ADCK1: variants seen among roughly 807,000 people sequenced by gnomAD.
ADCK1 encodes the protein aarF domain containing kinase 1.
In ADCK1, 41 loss-of-function variants were observed where a neutral mutation model predicts 52.3. The ratio of observed to expected loss-of-function variants is 0.78; its 90% confidence interval spans 0.61 to 1.02. ADCK1 has a LOEUF of 1.02. ADCK1 is among the 50% of genes least tolerant of loss of function. The pLI, the probability that ADCK1 is intolerant of heterozygous loss-of-function variation, is 0.00. For missense variants in ADCK1, 658 were observed against 679.5 expected (o/e 0.97, Z 0.35); for synonymous variants, 250 against 274.6 (o/e 0.91, Z 0.89).
chr14:77,906,002 T>C (rs1270017306), intron 6 of ADCK1, among the ~76,000 whole-genome samples: 2 of 152,252 alleles, frequency 1.3e-5, no homozygotes, highest in Non-Finnish European at 2.9e-5. Flanking sequence ...CCTTGCTTTC[T>C]GGTGGAAACT....
At chr14:77,852,680 T>A (rs1438027276) in intron 3 of ADCK1, among the ~76,000 whole-genome samples, 790 of 78,284 alleles carry the variant, frequency 0.01, 31 homozygotes, top group African/African-American at 0.027. Flanking sequence ...TATATATATA[T>A]ATATATATAT....
At chr14:77,874,629 C>G (rs938262490) in intron 4 of ADCK1, among the ~76,000 whole-genome samples, 1 of 152,080 alleles carries the variant, frequency 6.6e-6, no homozygotes, top group African/African-American at 2.4e-5. Context: ...CTGCGTGTCC[C>G]CTCTCCCTGC....
At chr14:77,928,675 T>C (rs1265702326) in intron 9 of ADCK1, among the ~76,000 whole-genome samples, 3 of 152,168 alleles carry the variant, frequency 2.0e-5, no homozygotes, top group Non-Finnish European at 4.4e-5. Context: ...TTGGCCAAGA[T>C]GGTCTCGATC....
intron 1 of ADCK1, among the ~76,000 whole-genome samples, chr14:77,805,886 TTGTGACCTCTGATCACGTGACTCC>T (rs1174899824): frequency 1.3e-5 from 2 of 152,018 alleles, no homozygotes; most frequent in Non-Finnish European, 2.9e-5. Flanking sequence ...GTCACAAATC[TTGTGACCTCTGATCACGTGACTCC>T]TGAGCAGTAA....
chr14:77,930,733 T>C (rs899222195), intron 9 of ADCK1, among the ~76,000 whole-genome samples: 8 of 152,202 alleles, frequency 5.3e-5, no homozygotes, highest in Non-Finnish European at 1.0e-4. Flanking sequence ...CGTGCCAACA[T>C]TGTCAAAGTG....
intron 1 of ADCK1, among the ~76,000 whole-genome samples, chr14:77,818,291 C>CT (rs903628920): frequency 6.6e-5 from 10 of 151,248 alleles, no homozygotes; most frequent in African/African-American, 1.5e-4. Context: ...GCCCTCTCTG[C>CT]TTTTTTTTGA....
chr14:77,920,052 G>A (rs2084014484), intron 7 of ADCK1, among the ~76,000 whole-genome samples: 1 of 152,258 alleles, frequency 6.6e-6, no homozygotes, highest in African/African-American at 2.4e-5. Context: ...TCTGTGGATT[G>A]TCTGTTTACC....
intron 1 of ADCK1, among the ~76,000 whole-genome samples, chr14:77,800,652 AC>A (rs2081089784): frequency 1.3e-5 from 2 of 152,312 alleles, no homozygotes; most frequent in South Asian, 4.1e-4. Flanking sequence ...CGTGCCCCAG[AC>A]CGCTGCTTAT....
At chr14:77,825,766 C>T (rs568224538) in intron 3 of ADCK1, among the ~76,000 whole-genome samples, 49 of 152,014 alleles carry the variant, frequency 3.2e-4, no homozygotes, top group African/African-American at 8.7e-4. Context: ...CTCAGCCTCC[C>T]GAGTAGCTGG....
chr14:77,921,544 C>T (rs1441214725), intron 7 of ADCK1, among the ~76,000 whole-genome samples: 1 of 152,096 alleles, frequency 6.6e-6, no homozygotes, highest in East Asian at 1.9e-4. Flanking sequence ...GGTGCCTTAT[C>T]CCCAGATCTC....
intron 4 of ADCK1, among the ~76,000 whole-genome samples, chr14:77,879,432 G>C (rs1034786432): frequency 6.6e-6 from 1 of 152,210 alleles, no homozygotes; most frequent in Admixed American, 6.5e-5. Context: ...GTGATTGGAA[G>C]AATGAGTGGG....
chr14:77,920,790 T>C (rs1251776870), intron 7 of ADCK1, among the ~76,000 whole-genome samples: 1 of 152,022 alleles, frequency 6.6e-6, no homozygotes, highest in Non-Finnish European at 1.5e-5. Flanking sequence ...GATAGAACCA[T>C]ATGCATGCTC....
At chr14:77,861,524 C>G (rs1209376140) in intron 4 of ADCK1, among the ~76,000 whole-genome samples, 3 of 152,148 alleles carry the variant, frequency 2.0e-5, no homozygotes, top group South Asian at 2.1e-4. Context: ...GTGGGCCCCA[C>G]TCATCCTCAG....
chr14:77,806,745 C>T (rs992220030), intron 1 of ADCK1, among the ~76,000 whole-genome samples: 11 of 152,050 alleles, frequency 7.2e-5, no homozygotes, highest in South Asian at 2.1e-4. Flanking sequence ...GACAGAGTAT[C>T]GCTTTGTCAC....
At chr14:77,854,676 G>C (rs1434294119) in intron 3 of ADCK1, among the ~76,000 whole-genome samples, 3 of 151,406 alleles carry the variant, frequency 2.0e-5, no homozygotes, top group Non-Finnish European at 4.4e-5. Flanking sequence ...TGTGCCTCAG[G>C]CTCCTGAGTA....
At chr14:77,842,453 TTCCTTCCTTCC>T (rs1566657353) in intron 3 of ADCK1, among the ~76,000 whole-genome samples, 878 of 52,154 alleles carry the variant, frequency 0.017, 32 homozygotes, top group Middle Eastern at 0.078. Flanking sequence ...TTTTTTTTCC[TTCCTTCCTTCC>T]TTCCTTCCTT....
rs942604431 is a variant in ADCK1, at chr14:77,802,113, A to G, written c.-12+1943A>G. Among the ~76,000 whole-genome samples the G allele has an allele frequency of 3.3e-5, 5 of 150,364 alleles. No homozygotes were observed. The South Asian group carries it at 1.1e-3, about 32-fold the overall frequency. On this transcript the variant is annotated intron_variant, in intron 1 of 10. Transcript: ENST00000238561. ...GCTCTCTTGGTGGGAGCAGTCATACATGGATTCAAGTTCTGCCTCCATCAC... is the reference window on the plus strand; with the variant it reads ...GCTCTCTTGGTGGGAGCAGTCATACGTGGATTCAAGTTCTGCCTCCATCAC...
At chr14:77,836,340 A>G (rs2081959358) in intron 3 of ADCK1, among the ~76,000 whole-genome samples, 1 of 152,222 alleles carries the variant, frequency 6.6e-6, no homozygotes, top group Non-Finnish European at 1.5e-5. Context: ...TAGAAGCACA[A>G]ATGGATGAAG....
intron 3 of ADCK1, among the ~76,000 whole-genome samples, chr14:77,843,048 C>T (rs1425572811): frequency 6.6e-6 from 1 of 151,950 alleles, no homozygotes; most frequent in African/African-American, 2.4e-5. Context: ...TGCCACTACT[C>T]CTAACTAATT....
Sources: allele counts gnomAD v4.1 joint callset (sites outside exome capture counted in the v4.1 genomes callset), GRCh38; gene constraint gnomAD v4.1.1; transcripts MANE v1.5; gene names NCBI Gene and HGNC (gene_info 2026-07-23, HGNC 2026-07-21).